SIN3A: variants seen among roughly 807,000 people sequenced by gnomAD.
SIN3A encodes paired amphipathic helix protein Sin3a.
Under a neutral mutation model 146.1 loss-of-function variants are expected in SIN3A, and 14 were observed. That is an observed-to-expected ratio of 0.10 (90% CI 0.06 to 0.15). SIN3A has a LOEUF of 0.15. SIN3A is among the 10% of genes least tolerant of loss of function. The pLI is 1.00. For synonymous variants in SIN3A, 572 were observed against 572.0 expected, an observed-to-expected ratio of 1.00 and a Z score of 0.00; for missense variants, 1,028 against 1,576.0, an observed-to-expected ratio of 0.65 and a Z score of 5.89.
chr15:75,440,099 C>T (rs1007098640), intron 1 of SIN3A, among the ~76,000 whole-genome samples: 2 of 151,370 alleles, frequency 1.3e-5, no homozygotes, highest in Non-Finnish European at 2.9e-5. Flanking sequence ...TGCAGTGAGC[C>T]AAGATCACGC....
At chr15:75,452,906 T>C (rs2074432192), upstream of SIN3A, 1 of 152,244 alleles carries the variant, frequency 6.6e-6, no homozygotes, top group Non-Finnish European at 1.5e-5. Context: ...TTAATAGCAG[T>C]TCCTGTGCCC....
At chr15:75,444,558 G>C (rs2074271438) in intron 1 of SIN3A, among the ~76,000 whole-genome samples, 1 of 151,136 alleles carries the variant, frequency 6.6e-6, no homozygotes, top group African/African-American at 2.4e-5. Flanking sequence ...AAAAAAAAAA[G>C]CAAAACTCAA....
chr15:75,420,328 A>G (rs2073818997), intron 3 of SIN3A: 2 of 152,208 alleles, frequency 1.3e-5, no homozygotes, highest in African/African-American at 2.4e-5. Context: ...ACAAAAAAAA[A>G]AGACAATGTT....
intron 14 of SIN3A, 120 bp downstream of exon 14, chr15:75,394,560 G>A: frequency 1.4e-6 from 1 of 711,180 alleles, no homozygotes; most frequent in Admixed American, 2.7e-5. Context: ...CAGCTATCAA[G>A]CAAGAATCAA....
In SIN3A at chr15:75,422,683, T is replaced by G; in HGVS notation, c.330A>C (p.Ala110=). Residue 110 remains alanine, a synonymous_variant, in exon 3 of 21, where the codon GCA becomes GCC. Coordinates refer to ENST00000394947, the MANE Select transcript of SIN3A (RefSeq NM_001145358.2). Reference sequence around the variant, plus strand: ...GAAATTGCTGCTGTCCCTGCACTGGTGCAACTGGTGGGGCTGGATGAGCAT... The same window carrying G: ...GAAATTGCTGCTGTCCCTGCACTGGGGCAACTGGTGGGGCTGGATGAGCAT... The part of the protein sequence containing the change: ...QSHAHPAPPV[A]PVQGQQQFQR... 1 of 1,614,202 alleles carries G rather than the reference T, an allele frequency of 6.2e-7. No homozygotes were observed. The highest frequency in any genetic ancestry group is 8.5e-7 in the Non-Finnish European group (1 of 1,180,044).
At position 75,411,606 on chromosome 15, in the gene SIN3A, G is replaced by A; in HGVS notation, c.894C>T (p.Asn298=). Residue 298 remains asparagine, a synonymous_variant, in exon 6 of 21, where the codon AAC becomes AAT. Coordinates refer to ENST00000394947, the MANE Select transcript of SIN3A (RefSeq NM_001145358.2). ...ISLGTAPSLQ[N]NQPVEFNHAI... is the part of the protein sequence containing the mutation. ...CATGATTAAACTCCACAGGTTGATT[G>A]TTCTGCAAGGATGGGGCCGTTCCCA... 1 of 1,614,188 alleles carries A rather than the reference G, an allele frequency of 6.2e-7. No homozygotes were observed. The highest frequency in any genetic ancestry group is 8.5e-7 in the Non-Finnish European group (1 of 1,180,038).
chr15:75,428,004 TAAAATAAAAAATAAAA>T (rs988930113), intron 2 of SIN3A, among the ~76,000 whole-genome samples: 16 of 151,572 alleles, frequency 1.1e-4, no homozygotes, highest in African/African-American at 3.9e-4. Flanking sequence ...AATAAATGAA[TAAAATAAAAAATAAAA>T]AAACCAAAGT....
At chr15:75,421,690 G>A (rs990884923) in intron 3 of SIN3A, 1 of 152,196 alleles carries the variant, frequency 6.6e-6, no homozygotes, top group Non-Finnish European at 1.5e-5. Flanking sequence ...ATAACCAAAT[G>A]AAGATTTAAC....
chr15:75,394,905 A>G (rs1470665216), intron 13 of SIN3A, 42 bp from the exon 14 acceptor site: 2 of 1,574,460 alleles, frequency 1.3e-6, no homozygotes, highest in Non-Finnish European at 1.7e-6. Flanking sequence ...ATGGGAATTC[A>G]GAGGGTTTAG....
rs746290773 is a variant in SIN3A at position 75,407,082 on chromosome 15, A to G, written c.1380T>C (p.Gly460=). The G allele has an allele frequency of 4.3e-6, 7 of 1,612,756 alleles. No homozygotes were observed. The Admixed American group carries it at 5.0e-5, about 12-fold the overall frequency. ...TATCAAAAAATAACGATTCTGTTCC[A>G]CCACCATGTTTGCTGGCATCTGCCA... is the stretch of plus-strand genomic sequence containing the variant. ...SSMADASKHG[G]GTESLFFDKV... Residue 460 remains glycine, a synonymous_variant, in exon 9 of 21, where the codon GGT becomes GGC. Transcript: ENST00000394947.
intron 3 of SIN3A, among the ~76,000 whole-genome samples, chr15:75,417,425 G>C (rs988416364): frequency 6.6e-6 from 1 of 150,392 alleles, no homozygotes; most frequent in African/African-American, 2.5e-5. Context: ...TCCCAGGCTA[G>C]AGTGCAATGG....
chr15:75,402,632 TTTTTG>T (rs1310830151), intron 9 of SIN3A, among the ~76,000 whole-genome samples: 1 of 152,090 alleles, frequency 6.6e-6, no homozygotes, highest in East Asian at 1.9e-4. Flanking sequence ...ATAAGGAGTT[TTTTTG>T]TTTTGTTTTG....
At position 75,384,098 on chromosome 15, in the gene SIN3A, T is replaced by C. The variant is rs1225110670; in HGVS notation, c.3195+166A>G. 34 of 454,292 alleles carry C rather than the reference T, an allele frequency of 7.5e-5. 1 individual carries two copies. In the South Asian group the frequency reaches 1.8e-3, roughly 24 times the overall value. 28.1% of individuals were successfully genotyped at this position (454,292 alleles called of 1,614,324 possible). On this transcript the variant is annotated intron_variant, in intron 17 of 20. Transcript: ENST00000394947. ...GGCAGGAAAGAAACAAAGTAGATTG[T>C]CCAGGAAGACAATTACTTCCACTTT...
At position 75,430,418 on chromosome 15, in the gene SIN3A, C is replaced by G; in HGVS notation, c.-33-10G>C. ...GGATGCACTACAAAACCTGCAGAAA[C>G]CAAAAGCAATAGCATGCAAGTCAAT... On this transcript the variant is annotated splice_polypyrimidine_tract_variant and intron_variant, in intron 1 of 20. Transcript: ENST00000394947. The G allele has an allele frequency of 1.3e-6, 2 of 1,557,832 alleles. No individual in the cohort carries two copies. The highest frequency in any genetic ancestry group is 1.7e-6 in the Non-Finnish European group (2 of 1,152,996).
intron 1 of SIN3A, among the ~76,000 whole-genome samples, chr15:75,441,006 C>CAAG (rs2074199975): frequency 1.6e-5 from 2 of 125,842 alleles, no homozygotes; most frequent in African/African-American, 6.3e-5. Context: ...AAAAAAAGAA[C>CAAG]AAGAAAAAGA....
chr15:75,404,874 G>A (rs934660719), intron 9 of SIN3A, among the ~76,000 whole-genome samples: 5 of 152,180 alleles, frequency 3.3e-5, no homozygotes, highest in Admixed American at 6.6e-5. Flanking sequence ...GCTCACACCT[G>A]TAATCTCAAC....
upstream of SIN3A, chr15:75,455,695 C>T (rs1007482002): frequency 6.6e-6 from 1 of 152,216 alleles, no homozygotes; most frequent in Admixed American, 6.5e-5. Context: ...GGGCCCACAC[C>T]ACGTCGGGCC....
intron 1 of SIN3A, among the ~76,000 whole-genome samples, chr15:75,442,895 G>A (rs1370280223): frequency 2.1e-5 from 3 of 142,356 alleles, no homozygotes; most frequent in Non-Finnish European, 4.5e-5. Context: ...TTGTGCCATG[G>A]CACTCTAGCC....
intron 12 of SIN3A, among the ~76,000 whole-genome samples, chr15:75,397,488 G>A (rs917503688): frequency 3.0e-4 from 46 of 152,240 alleles, no homozygotes; most frequent in African/African-American, 9.9e-4. Flanking sequence ...CTAGTGACTA[G>A]CAACATTCAT....
Sources: allele counts gnomAD v4.1 joint callset (sites outside exome capture counted in the v4.1 genomes callset), GRCh38; gene constraint gnomAD v4.1.1; transcripts MANE v1.5; gene names NCBI Gene and HGNC (gene_info 2026-07-23, HGNC 2026-07-21).